Variants in DIPK2B observed in about 807,000 individuals in gnomAD.
DIPK2B encodes divergent protein kinase domain 2B, also known as UPF0672 protein CXorf36.
Under a neutral mutation model 22.2 loss-of-function variants are expected in DIPK2B, and 15 were observed. The observed-to-expected ratio is 0.68, with a 90% CI of 0.45 to 1.04. The LOEUF (loss-of-function observed/expected upper bound fraction) is 1.04. Ranked by LOEUF, DIPK2B falls within the 50% of genes least tolerant of loss-of-function variation. DIPK2B has a pLI of 0.00. For missense variants in DIPK2B, 345 were observed against 348.3 expected, an observed-to-expected ratio of 0.99 and a Z score of 0.08; for synonymous variants, 163 against 153.2, an observed-to-expected ratio of 1.06 and a Z score of -0.47.
intron 2 of DIPK2B, chrX:45,163,024 C>T (rs2047029999): frequency 3.2e-6 from 2 of 631,954 alleles, no homozygotes; most frequent in Non-Finnish European, 3.8e-6. Context: ...GGCTGTATTC[C>T]CCAGTTATTC....
At chrX:45,166,012 G>A (rs1422898947) in intron 2 of DIPK2B, among the ~76,000 whole-genome samples, 1 of 112,040 alleles carries the variant, frequency 8.9e-6, no homozygotes, top group African/African-American at 3.2e-5. Flanking sequence ...GGGCAGCAGG[G>A]CAAGGCCATC....
chrX:45,181,934 G>A (rs2047156146), intron 2 of DIPK2B, among the ~76,000 whole-genome samples: 1 of 110,864 alleles, frequency 9.0e-6, no homozygotes. Context: ...AATAAAAGTA[G>A]CTGAGCACGG....
intron 2 of DIPK2B, among the ~76,000 whole-genome samples, chrX:45,181,290 G>A (rs1288858445): frequency 5.4e-5 from 6 of 111,978 alleles, no homozygotes; most frequent in African/African-American, 1.6e-4. Flanking sequence ...TAATGTTAAG[G>A]TGTCACTTTT....
chrX:45,155,427 A>ATATATAT (rs1372510960), intron 3 of DIPK2B, among the ~76,000 whole-genome samples: 4 of 84,547 alleles, frequency 4.7e-5, no homozygotes, highest in African/African-American at 1.6e-4. Context: ...TGTCTCAAAA[A>ATATATAT]AAAAATATAT....
At position 45,161,424 on chromosome X, in the gene DIPK2B, C is replaced by T. The variant is rs188610678; in HGVS notation, c.499-3536G>A. 7.4e-3 allele frequency among the ~76,000 whole-genome samples: 823 copies of T among 111,957 alleles called. 4 individuals carry two copies. The highest frequency in any genetic ancestry group is 0.024 in the African/African-American group (751 of 30,848). The stretch of plus-strand genomic sequence containing the variant: ...AGACATGGCAGTGCATGCCTGTAGT[C>T]CCAGCTACTTAGGAGGCTGAGGTAG... On this transcript the variant is annotated intron_variant, in intron 2 of 4. Coordinates refer to ENST00000398000, the MANE Select transcript of DIPK2B (RefSeq NM_176819.4).
chrX:45,176,568 A>G (rs2047119600), intron 2 of DIPK2B, among the ~76,000 whole-genome samples: 1 of 112,063 alleles, frequency 8.9e-6, no homozygotes, highest in African/African-American at 3.2e-5. Context: ...CAGTTAGCAC[A>G]TGTTGGGGCT....
At chrX:45,183,475 T>C (rs2047165722) in intron 2 of DIPK2B, 1 of 112,139 alleles carries the variant, frequency 8.9e-6, no homozygotes, top group Admixed American at 9.5e-5. Flanking sequence ...AGAGGGTAGA[T>C]TTCACAAATT....
At chrX:45,190,994 G>A (rs1342542692) in intron 2 of DIPK2B, among the ~76,000 whole-genome samples, 3 of 112,685 alleles carry the variant, frequency 2.7e-5, no homozygotes, top group African/African-American at 9.7e-5. Context: ...ATTCCTTCCT[G>A]GCCGGGCGTG....
At chrX:45,159,010 G>A (rs1367612055) in intron 2 of DIPK2B, among the ~76,000 whole-genome samples, 4 of 110,934 alleles carry the variant, frequency 3.6e-5, no homozygotes, top group African/African-American at 1.3e-4. Flanking sequence ...GCCCTGCCCT[G>A]CCCCCCTCTC....
chrX:45,188,171 T>C (rs2047193937), intron 2 of DIPK2B, among the ~76,000 whole-genome samples: 1 of 112,222 alleles, frequency 8.9e-6, no homozygotes, highest in Non-Finnish European at 1.9e-5. Flanking sequence ...TTAGGACTCA[T>C]GTCTGATGGG....
At chrX:45,167,314 G>A (rs1232834300) in intron 2 of DIPK2B, among the ~76,000 whole-genome samples, 1 of 109,669 alleles carries the variant, frequency 9.1e-6, no homozygotes, top group Non-Finnish European at 1.9e-5. Flanking sequence ...AACATAGGGA[G>A]ACCATGTGTC....
chrX:45,172,363 C>T (rs7059384), intron 2 of DIPK2B, among the ~76,000 whole-genome samples: 7,137 of 111,319 alleles, frequency 0.064, 494 homozygotes, highest in African/African-American at 0.21. Flanking sequence ...ATGGTATCTA[C>T]GTAGCAGTAG....
At chrX:45,174,056 A>AGGCCCT (rs1204439009) in intron 2 of DIPK2B, among the ~76,000 whole-genome samples, 1 of 111,301 alleles carries the variant, frequency 9.0e-6, no homozygotes, top group Non-Finnish European at 1.9e-5. Context: ...GTAGCCACAG[A>AGGCCCT]GGCCCTAGAG....
intron 2 of DIPK2B, chrX:45,164,128 C>T (rs1352157022): frequency 7.0e-6 from 8 of 1,138,966 alleles, no homozygotes; most frequent in South Asian, 6.6e-5. Context: ...TGGTATAACA[C>T]AGTTGGGAGA....
At chrX:45,170,197 T>C (rs2047072362) in intron 2 of DIPK2B, among the ~76,000 whole-genome samples, 1 of 102,713 alleles carries the variant, frequency 9.7e-6, no homozygotes, top group Non-Finnish European at 2.0e-5. Context: ...TGAGCCAAGA[T>C]TGCACCACTG....
Position 45,175,812 on chromosome X carries a change from G to A in DIPK2B, c.498+15939C>T, listed in dbSNP as rs1186848585. On this transcript the variant is annotated intron_variant, in intron 2 of 4. Coordinates refer to ENST00000398000, the MANE Select transcript of DIPK2B (RefSeq NM_176819.4). ...AGTAAAAAAAATTGAAGAAAAGAAA[G>A]TTTTTGAACTGGAAAGGGAAACGAT... 5.6e-5 allele frequency among the ~76,000 whole-genome samples: 6 copies of A among 106,614 alleles called. No homozygotes were observed. In the East Asian group the frequency reaches 9.1e-4, roughly 16 times the overall value. The allele number at this position is 106,614 out of a possible 115,157, so 92.6% of individuals were successfully genotyped here.
intron 2 of DIPK2B, among the ~76,000 whole-genome samples, chrX:45,179,134 G>A (rs2047135104): frequency 9.0e-6 from 1 of 111,258 alleles, no homozygotes; most frequent in Admixed American, 9.7e-5. Context: ...GTTGTGGGTA[G>A]AGGCCAGGGA....
chrX:45,175,055 C>T (rs1317831742), intron 2 of DIPK2B, among the ~76,000 whole-genome samples: 1 of 111,405 alleles, frequency 9.0e-6, no homozygotes, highest in Non-Finnish European at 1.9e-5. Context: ...CCTTGGGCAA[C>T]GTATATAAAT....
intron 3 of DIPK2B, among the ~76,000 whole-genome samples, chrX:45,154,943 A>C (rs1227202061): frequency 1.8e-5 from 2 of 111,631 alleles, no homozygotes; most frequent in Non-Finnish European, 3.8e-5. Context: ...CTGAGTAGCT[A>C]GGACTTCAGG....
Sources: gnomAD v4.1 joint callset for allele counts (sites outside exome capture counted in the v4.1 genomes callset) on GRCh38, gnomAD v4.1.1 for gene constraint, MANE v1.5 for transcripts, NCBI Gene and HGNC (gene_info 2026-07-23, HGNC 2026-07-21) for gene names.